The following CCDC22 variants were observed in gnomAD, a reference collection of about 807,000 sequenced individuals.
The protein encoded by CCDC22 is CCC complex scaffolding subunit CCDC22.
CCDC22 carries 4 observed loss-of-function variants against 53.1 expected under a neutral mutation model. The ratio of observed to expected loss-of-function variants is 0.08; its 90% CI spans 0.04 to 0.17. The LOEUF is 0.17. CCDC22 is among the 10% of genes least tolerant of loss of function. The pLI is 1.00. For missense variants in CCDC22, 458 were observed against 554.0 expected, an observed-to-expected ratio of 0.83 and a Z score of 1.74; for synonymous variants, 222 against 224.4, an observed-to-expected ratio of 0.99 and a Z score of 0.10.
At chrX:49,241,587 T>C (rs1453913485) in intron 2 of CCDC22, among the ~76,000 whole-genome samples, 1 of 111,165 alleles carries the variant, frequency 9.0e-6, no homozygotes, top group Non-Finnish European at 1.9e-5. Flanking sequence ...TTCTGAGCTA[T>C]TGTGCTTCTG....
At chrX:49,235,851 A>ACACACACACACACACG (rs1569529080) in intron 1 of CCDC22, among the ~76,000 whole-genome samples, 165 bp downstream of exon 1, 5 of 100,464 alleles carry the variant, frequency 5.0e-5, no homozygotes, top group East Asian at 3.1e-4. Context: ...ACACACACAC[A>ACACACACACACACACG]CACACACACA....
At chrX:49,244,200 CTCTT>C (rs1436979518) in intron 6 of CCDC22, among the ~76,000 whole-genome samples, 4 of 111,880 alleles carry the variant, frequency 3.6e-5, no homozygotes, top group Non-Finnish European at 7.5e-5. Flanking sequence ...TTTGCTGCTC[CTCTT>C]TCTTACCTCT....
chrX:49,248,263 G>A lies in CCDC22; in HGVS notation c.1165G>A (p.Ala389Thr). 2 of 1,206,198 alleles carry A rather than the reference G, an allele frequency of 1.7e-6. No individual in the cohort carries two copies. Among genetic ancestry groups the A allele is most frequent in the South Asian group, 1.8e-5 (1 of 56,673 alleles). Residue 389 changes from alanine to threonine, a missense_variant, in exon 10 of 17, where the codon GCG (alanine) becomes ACG (threonine). Physicochemically the swap from Ala to Thr is moderately conservative, Grantham distance 58. Transcript: ENST00000376227. ...GCAGGCCCTGCGCCTGAAGAGCCGCGCGGTGGAGCTGCTGCCCGATGGGAC... is the reference window on the plus strand; with the variant it reads ...GCAGGCCCTGCGCCTGAAGAGCCGCACGGTGGAGCTGCTGCCCGATGGGAC... ...REQALRLKSR[A>T]VELLPDGTAN... is the part of the protein sequence containing the mutation.
chrX:49,241,552 A>G (rs1315495988), intron 2 of CCDC22, among the ~76,000 whole-genome samples: 1 of 107,726 alleles, frequency 9.3e-6, no homozygotes, highest in African/African-American at 3.4e-5. Context: ...CTCAGTCCCC[A>G]TCAGAACCCT....
rs137870083 is a variant in CCDC22, at chrX:49,248,410, G to T, written c.1216G>T (p.Val406Leu). 102 of 1,206,344 alleles carry T rather than the reference G, an allele frequency of 8.5e-5. No individual in the cohort carries two copies. Among genetic ancestry groups the T allele is most frequent in the East Asian group, 3.0e-4 (10 of 33,723 alleles). Reference sequence around the variant, plus strand: ...ACATGTACCCATCCCCCACCAGCTTGTGGTGGAGAATAGTGCCCAGCGGGT... The same window carrying T: ...ACATGTACCCATCCCCCACCAGCTTTTGGTGGAGAATAGTGCCCAGCGGGT... ...GTANLAKLQL[V>L]VENSAQRVIH... The change falls in exon 11 of 17, where the codon GTG becomes TTG. Residue 406 changes from valine to leucine, a missense_variant. Val to Leu is a conservative substitution (Grantham distance 32, BLOSUM62 1). This residue lies in a region of CCDC22 where 309 missense variants were observed against 312.3 expected (regional missense o/e 0.99). Coordinates refer to ENST00000376227, the MANE Select transcript of CCDC22 (RefSeq NM_014008.5).
At chrX:49,239,825 G>A (rs1206805799) in intron 2 of CCDC22, among the ~76,000 whole-genome samples, 5 of 110,717 alleles carry the variant, frequency 4.5e-5, no homozygotes. Flanking sequence ...AGGAGGTGTT[G>A]AGGTGGGGGC....
At chrX:49,245,506 A>G (rs180865001) in intron 6 of CCDC22, among the ~76,000 whole-genome samples, 72 of 110,937 alleles carry the variant, frequency 6.5e-4, no homozygotes, top group Non-Finnish European at 1.1e-3. Context: ...CCACATAGCT[A>G]GGACTACAGG....
chrX:49,247,578 G>C lies in CCDC22; in HGVS notation c.972+20G>C, dbSNP rs187851861. On this transcript the variant is annotated intron_variant, in intron 8 of 16. Transcript: ENST00000376227. The stretch of plus-strand genomic sequence containing the variant: ...GAACAGGTGAGCAGAGTGGTTTGGA[G>C]GGGGGTGTCCCAGGCCCTTGCTTGT... The C allele has an allele frequency of 6.8e-4, 807 of 1,190,460 alleles. 5 individuals carry two copies. The African/African-American group carries it at 0.012, about 18-fold the overall frequency.
At chrX:49,244,557 T>C (rs992994391) in intron 6 of CCDC22, among the ~76,000 whole-genome samples, 1 of 109,075 alleles carries the variant, frequency 9.2e-6, no homozygotes, top group Non-Finnish European at 1.9e-5. Flanking sequence ...TCTTTATCTG[T>C]CCTCTCTTCT....
At position 49,246,944 on chromosome X, in the gene CCDC22, A is replaced by T. The variant is rs782660027; in HGVS notation, c.909+19A>T. On this transcript the variant is annotated intron_variant, in intron 7 of 16. Transcript: ENST00000376227. The stretch of plus-strand genomic sequence containing the variant: ...CCATCTGGTGGGTGCGCCTGAGGAC[A>T]TGAGATGTGTGGATGGGCGTGGCAG... The T allele has an allele frequency of 7.1e-5, 82 of 1,161,880 alleles. No homozygotes were observed. The South Asian group carries it at 1.5e-3, about 21-fold the overall frequency.
intron 10 of CCDC22, 43 bp downstream of exon 10, chrX:49,248,353 G>C: frequency 8.5e-7 from 1 of 1,176,415 alleles, no homozygotes; most frequent in Non-Finnish European, 1.1e-6. Flanking sequence ...GCAGGGTGGG[G>C]TGGGGTGGGG....
chrX:49,248,343 G>A, intron 10 of CCDC22, 33 bp downstream of exon 10: 5 of 1,122,905 alleles, frequency 4.5e-6, no homozygotes, highest in Non-Finnish European at 6.0e-6. Context: ...GCGGAGAGGG[G>A]CAGGGTGGGG....
chrX:49,240,123 C>T (rs1557113193), intron 2 of CCDC22, among the ~76,000 whole-genome samples: 1 of 108,402 alleles, frequency 9.2e-6, no homozygotes, highest in Non-Finnish European at 1.9e-5. Flanking sequence ...CATGGTGGCA[C>T]ACGCCTGTGG....
chrX:49,243,028 C>T, intron 4 of CCDC22, 36 bp downstream of exon 4: 2 of 1,132,633 alleles, frequency 1.8e-6, no homozygotes, highest in East Asian at 3.1e-5. Context: ...TTCTCTTGTC[C>T]CCGTCTGGGT....
At chrX:49,238,416 T>C (rs1172058589) in intron 2 of CCDC22, among the ~76,000 whole-genome samples, 2 of 111,218 alleles carry the variant, frequency 1.8e-5, no homozygotes, top group Non-Finnish European at 3.8e-5. Context: ...GATTAGCCAC[T>C]CCTTCAGGAT....
chrX:49,240,781 A>C (rs2065960181), intron 2 of CCDC22, among the ~76,000 whole-genome samples: 1 of 111,911 alleles, frequency 8.9e-6, no homozygotes, highest in Non-Finnish European at 1.9e-5. Context: ...CACTCCTGGA[A>C]TGAGTTTCTA....
At chrX:49,237,033 C>T in intron 1 of CCDC22, 53 bp from the exon 2 acceptor site, 1 of 1,125,117 alleles carries the variant, frequency 8.9e-7, no homozygotes, top group East Asian at 3.0e-5. Flanking sequence ...CAGGGCTCAG[C>T]CTGATCCCTG....
chrX:49,248,080 C>A, intron 9 of CCDC22, 111 bp from the exon 10 acceptor site: 1 of 1,174,997 alleles, frequency 8.5e-7, no homozygotes, highest in Non-Finnish European at 1.1e-6. Flanking sequence ...CCTCGGGGTC[C>A]TTGGCACCAG....
At chrX:49,242,459 A>G (rs1557113505) in intron 3 of CCDC22, 1 of 253,753 alleles carries the variant, frequency 3.9e-6, no homozygotes, top group East Asian at 2.4e-4. Flanking sequence ...ACTCAAACAT[A>G]CCCCAGTACA....
Sources: gnomAD v4.1 joint callset for allele counts (sites outside exome capture counted in the v4.1 genomes callset) on GRCh38, gnomAD v4.1.1 for gene constraint, gnomAD v4.1.1 regional missense constraint, MANE v1.5 for transcripts, NCBI Gene and HGNC (gene_info 2026-07-23, HGNC 2026-07-21) for gene names.